Variants in SLC35D2 observed in about 807,000 individuals in gnomAD.
The protein encoded by SLC35D2 is solute carrier family 35 member D2, also known as nucleotide sugar transporter SLC35D2.
Under a neutral mutation model 41.8 loss-of-function variants are expected in SLC35D2, and 43 were observed. That is an observed-to-expected ratio of 1.03 (90% CI 0.81 to 1.33). SLC35D2 has a LOEUF of 1.33. Among genes scored for constraint, SLC35D2 ranks in the 40% most tolerant of loss-of-function variants. The pLI, the probability that SLC35D2 is intolerant of heterozygous loss-of-function variation, is 0.00. For synonymous variants in SLC35D2, 150 were observed against 163.9 expected, an observed-to-expected ratio of 0.92 and a Z score of 0.65; for missense variants, 380 against 408.4, an observed-to-expected ratio of 0.93 and a Z score of 0.60.
intron 9 of SLC35D2, among the ~76,000 whole-genome samples, chr9:96,324,622 G>A (rs917061824): frequency 2.5e-4 from 36 of 146,710 alleles, no homozygotes; most frequent in Admixed American, 5.7e-4. Context: ...GTGCAATCTC[G>A]GCTCACTGCA....
chr9:96,332,845 A>G (rs1828868866), intron 9 of SLC35D2, among the ~76,000 whole-genome samples: 1 of 152,038 alleles, frequency 6.6e-6, no homozygotes, highest in South Asian at 2.1e-4. Context: ...GTAAACCTGA[A>G]ATGTTAATGA....
chr9:96,350,959 G>T, intron 6 of SLC35D2, 144 bp downstream of exon 6: 2 of 612,670 alleles, frequency 3.3e-6, no homozygotes. Context: ...GGAACACATG[G>T]GGATTCCACT....
chr9:96,354,492 C>T (rs1346523483), intron 4 of SLC35D2, among the ~76,000 whole-genome samples: 2 of 152,132 alleles, frequency 1.3e-5, no homozygotes, highest in East Asian at 1.9e-4. Flanking sequence ...TTAGGCTGGG[C>T]ACAGTGGCTC....
chr9:96,373,518 C>A (rs965396642), intron 1 of SLC35D2, among the ~76,000 whole-genome samples: 16 of 151,990 alleles, frequency 1.1e-4, no homozygotes, highest in African/African-American at 3.4e-4. Context: ...AAAACCCCAT[C>A]TCTACTGAAA....
intron 11 of SLC35D2, among the ~76,000 whole-genome samples, chr9:96,315,502 C>G (rs1828030855): frequency 6.7e-6 from 1 of 149,452 alleles, no homozygotes; most frequent in Non-Finnish European, 1.5e-5. Context: ...GGCGCGATCT[C>G]AGCTCACTGC....
chr9:96,338,383 AAAAGG>A (rs1829149814), intron 8 of SLC35D2, among the ~76,000 whole-genome samples: 1 of 152,102 alleles, frequency 6.6e-6, no homozygotes, highest in African/African-American at 2.4e-5. Context: ...TTCACTTCTC[AAAAGG>A]ATACACATGA....
intron 4 of SLC35D2, among the ~76,000 whole-genome samples, chr9:96,359,303 G>A (rs377053666): frequency 4.4e-4 from 64 of 146,670 alleles, no homozygotes; most frequent in East Asian, 1.8e-3. Context: ...GCGAGACTCC[G>A]TCTCAAAAAA....
chr9:96,363,262 G>T (rs34143757), intron 3 of SLC35D2, among the ~76,000 whole-genome samples: 1 of 150,468 alleles, frequency 6.6e-6, no homozygotes, highest in East Asian at 2.0e-4. Context: ...TGATCTCCCC[G>T]AGTCACTGGG....
chr9:96,376,963 A>C (rs1830990442), intron 1 of SLC35D2, among the ~76,000 whole-genome samples: 1 of 150,964 alleles, frequency 6.6e-6, no homozygotes, highest in Admixed American at 6.6e-5. Flanking sequence ...TTTTCGGCTC[A>C]CAACACTCAA....
chr9:96,352,060 G>T lies in SLC35D2; in HGVS notation c.397C>A (p.Leu133Ile). Residue 133 changes from leucine to isoleucine, a missense_variant, in exon 5 of 12, where the codon CTT (leucine) becomes ATT (isoleucine). By Grantham distance (5) the Leu-to-Ile change is conservative. Transcript: ENST00000253270. ...LRKFTIPLTL[L>I]LETIILGKQY... is the part of the protein sequence containing the mutation. ...CACCCAAGTATGATGGTTTCCAGAA[G>T]TAAGGTAAGTGGAATGGTGAATTTC... 6.2e-7 allele frequency: 1 copy of T among 1,612,394 alleles called. No homozygotes were observed. Among genetic ancestry groups the T allele is most frequent in the Non-Finnish European group, 8.5e-7 (1 of 1,178,922 alleles).
At chr9:96,352,176 T>C in intron 4 of SLC35D2, 67 bp from the exon 5 acceptor site, 2 of 998,388 alleles carry the variant, frequency 2.0e-6, no homozygotes, top group African/African-American at 3.2e-5. Context: ...CTTTTACATG[T>C]TTTACATTTT....
chr9:96,325,290 A>G (rs765578559), intron 9 of SLC35D2, among the ~76,000 whole-genome samples: 6 of 152,230 alleles, frequency 3.9e-5, no homozygotes, highest in Non-Finnish European at 7.3e-5. Flanking sequence ...GCTGCAACTC[A>G]GATCAGATGA....
intron 1 of SLC35D2, among the ~76,000 whole-genome samples, chr9:96,370,860 C>T (rs1830646053): frequency 2.6e-5 from 4 of 151,936 alleles, no homozygotes; most frequent in African/African-American, 9.7e-5. Context: ...ATATGACAGT[C>T]AAAGGAGATT....
At chr9:96,358,080 TTATATATATATA>T (rs34633441) in intron 4 of SLC35D2, among the ~76,000 whole-genome samples, 5 of 122,692 alleles carry the variant, frequency 4.1e-5, no homozygotes, top group Middle Eastern at 4.1e-3. Context: ...ATTATATATT[TTATATATATATA>T]TATATATATA....
intron 9 of SLC35D2, among the ~76,000 whole-genome samples, chr9:96,333,193 G>A (rs1051937850): frequency 3.3e-5 from 5 of 150,664 alleles, no homozygotes; most frequent in African/African-American, 1.2e-4. Context: ...CACTGCGCCT[G>A]GCCTGAATTT....
intron 6 of SLC35D2, chr9:96,350,889 C>A: frequency 2.2e-6 from 1 of 449,754 alleles, no homozygotes; most frequent in Non-Finnish European, 4.0e-6. Flanking sequence ...TCTTGCAATG[C>A]TCTCTTCATA....
chr9:96,354,993 G>C (rs1275027892), intron 4 of SLC35D2, among the ~76,000 whole-genome samples: 2 of 150,724 alleles, frequency 1.3e-5, no homozygotes. Flanking sequence ...AGGCCAAGAG[G>C]TTGAGAGCAG....
At chr9:96,376,432 C>T (rs1196926293) in intron 1 of SLC35D2, among the ~76,000 whole-genome samples, 5 of 151,608 alleles carry the variant, frequency 3.3e-5, no homozygotes, top group Non-Finnish European at 5.9e-5. Context: ...TGGTGAAACC[C>T]CGTCTCTACT....
intron 6 of SLC35D2, among the ~76,000 whole-genome samples, chr9:96,346,199 G>T (rs1829567304): frequency 6.6e-6 from 1 of 152,114 alleles, no homozygotes; most frequent in South Asian, 2.1e-4. Flanking sequence ...CAGATTAACA[G>T]GAGAAAGAGA....
Sources: gnomAD v4.1 joint callset for allele counts (sites outside exome capture counted in the v4.1 genomes callset) on GRCh38, gnomAD v4.1.1 for gene constraint, MANE v1.5 for transcripts, NCBI Gene and HGNC (gene_info 2026-07-23, HGNC 2026-07-21) for gene names.